The following DCAF5 variants were observed in gnomAD, a reference collection of about 807,000 sequenced individuals.
The protein encoded by DCAF5 is DDB1- and CUL4-associated factor 5.
DCAF5 carries 9 observed loss-of-function variants against 80.7 expected under a neutral mutation model. That is an observed-to-expected ratio of 0.11 (90% CI 0.07 to 0.19). The LOEUF (loss-of-function observed/expected upper bound fraction) is 0.19, where lower values mean the gene tolerates loss of function less well. Ranked by LOEUF, DCAF5 falls within the 10% of genes least tolerant of loss-of-function variation. DCAF5 has a pLI of 1.00. For synonymous variants in DCAF5, 433 were observed against 461.9 expected (o/e 0.94, Z 0.80); for missense variants, 842 against 1,205.7 (o/e 0.70, Z 4.47).
Position 69,055,016 on chromosome 14 carries a change from T to A in DCAF5, c.1670A>T (p.Asp557Val). The change falls in exon 9 of 9, where the codon GAT becomes GTT. Residue 557 changes from aspartate to valine, a missense_variant. Physicochemically the swap from Asp to Val is radical, Grantham distance 152. This residue lies in a region of DCAF5 where 607 missense variants were observed against 656.6 expected (regional missense o/e 0.92). Transcript: ENST00000341516. This position sits in a 1 kb window ranked among gnomAD's most constrained non-coding sequence, Gnocchi z 5.6. ...AGAGCTGCTGGAACTGCTGGATTCA[T>A]CTTCGGGGCTGGGTGACCGTGGCCG... ...FPRPRSPSPEDESSSSSSSSS... is the reference protein window; with the variant it reads ...FPRPRSPSPEVESSSSSSSSS... 6.2e-7 allele frequency: 1 copy of A among 1,614,230 alleles called. No individual in the cohort carries two copies. The highest frequency in any genetic ancestry group is 8.5e-7 in the Non-Finnish European group (1 of 1,180,038).
intron 5 of DCAF5, among the ~76,000 whole-genome samples, chr14:69,100,933 T>A (rs2039931165): frequency 6.6e-6 from 1 of 152,208 alleles, no homozygotes; most frequent in Non-Finnish European, 1.5e-5. Flanking sequence ...CTGAAGGGAT[T>A]ATATCAACAT....
chr14:69,082,199 C>G (rs1293012735), intron 6 of DCAF5, among the ~76,000 whole-genome samples: 1 of 152,160 alleles, frequency 6.6e-6, no homozygotes, highest in Non-Finnish European at 1.5e-5. Flanking sequence ...GTGCTTGCCA[C>G]AAATACCAAC....
chr14:69,142,989 G>A (rs1031696132), intron 1 of DCAF5, among the ~76,000 whole-genome samples: 2 of 152,216 alleles, frequency 1.3e-5, no homozygotes, highest in South Asian at 2.1e-4. Flanking sequence ...ACATGGTTAC[G>A]TATGGAATAC....
At chr14:69,069,558 T>A (rs923916062) in intron 7 of DCAF5, among the ~76,000 whole-genome samples, 1 of 152,212 alleles carries the variant, frequency 6.6e-6, no homozygotes, top group African/African-American at 2.4e-5. Flanking sequence ...CTCAGCCTCC[T>A]GAGCAACTGG....
chr14:69,053,761 T>C lies in DCAF5; in HGVS notation c.*96A>G. ...ATTTCAGGCCCTGGTTTCATGTGCC[T>C]TTAATACTTGTTTTTCCTTTCCTCT... On this transcript the variant is annotated 3_prime_UTR_variant, in exon 9 of 9. Transcript: ENST00000341516. 1 of 1,265,514 alleles carries C rather than the reference T, an allele frequency of 7.9e-7. No individual in the cohort carries two copies. The highest frequency in any genetic ancestry group is 1.1e-6 in the Non-Finnish European group (1 of 941,004). 78.4% of individuals were successfully genotyped at this position (1,265,514 alleles called of 1,614,324 possible).
intron 6 of DCAF5, chr14:69,084,851 A>G: frequency 8.9e-7 from 1 of 1,123,914 alleles, no homozygotes; most frequent in African/African-American, 1.5e-5. Context: ...ACTGGACATT[A>G]CTGAAGTCAA....
At chr14:69,132,638 A>G (rs1311457995) in intron 1 of DCAF5, among the ~76,000 whole-genome samples, 1 of 152,250 alleles carries the variant, frequency 6.6e-6, no homozygotes, top group Non-Finnish European at 1.5e-5. Context: ...CTACAAAAAC[A>G]TTAAGAGCAC....
At chr14:69,095,598 G>A (rs2039680923) in intron 5 of DCAF5, among the ~76,000 whole-genome samples, 1 of 152,036 alleles carries the variant, frequency 6.6e-6, no homozygotes, top group South Asian at 2.1e-4. Context: ...TTATTGCTCT[G>A]GTGGGGTAAA....
At chr14:69,120,259 A>C (rs1479888425) in intron 2 of DCAF5, among the ~76,000 whole-genome samples, 1 of 151,980 alleles carries the variant, frequency 6.6e-6, no homozygotes, top group Admixed American at 6.6e-5. Flanking sequence ...AATTAAAAAA[A>C]AAATTTTTTT....
chr14:69,117,963 A>G (rs2040592096), intron 4 of DCAF5, among the ~76,000 whole-genome samples, 176 bp downstream of exon 4: 1 of 152,170 alleles, frequency 6.6e-6, no homozygotes, highest in Admixed American at 6.6e-5. Flanking sequence ...ACTCCTGAGT[A>G]TTTAGGTGGA....
At chr14:69,058,928 G>A (rs1268567485) in intron 8 of DCAF5, among the ~76,000 whole-genome samples, 1 of 150,580 alleles carries the variant, frequency 6.6e-6, no homozygotes, top group Non-Finnish European at 1.5e-5. Context: ...AAGAAGTGAA[G>A]AGACAAGACG....
chr14:69,137,247 G>A (rs1216478690), intron 1 of DCAF5, among the ~76,000 whole-genome samples: 2 of 152,052 alleles, frequency 1.3e-5, no homozygotes, highest in East Asian at 1.9e-4. Context: ...CACTAAAAAC[G>A]GGTTCTTAGG....
At chr14:69,139,863 A>T (rs1249523258) in intron 1 of DCAF5, among the ~76,000 whole-genome samples, 1 of 146,494 alleles carries the variant, frequency 6.8e-6, no homozygotes, top group African/African-American at 2.5e-5. Context: ...GAAGGAAGGA[A>T]GGGAAGGAGG....
In DCAF5 at chr14:69,051,878, TAAAAAATTCCAATTTAATACATTTTGGA is replaced by T. The variant is rs780420965; in HGVS notation, c.*1951_*1978del. Reference sequence around the variant, plus strand: ...CGTATTTTTTTTGTATATAAAGGATTAAAAAATTCCAATTTAATACATTTTGGAAAAGCAAATGTAAAATGACTTGGGC... The same window carrying T: ...CGTATTTTTTTTGTATATAAAGGATTAAAGCAAATGTAAAATGACTTGGGC... On this transcript the variant is annotated 3_prime_UTR_variant, in exon 9 of 9. Transcript: ENST00000341516. 3 of 152,550 alleles carry T rather than the reference TAAAAAATTCCAATTTAATACATTTTGGA, an allele frequency of 2.0e-5. No individual in the cohort carries two copies. The highest frequency in any genetic ancestry group is 4.1e-4 in the South Asian group (2 of 4,830). The allele number at this position is 152,550 out of a possible 1,614,324, so 9.4% of individuals were successfully genotyped here.
Position 69,152,898 on chromosome 14 carries a change from G to A in DCAF5, c.81C>T (p.Pro27=). The stretch of plus-strand genomic sequence containing the variant: ...TCCTCTGAAAGTCCTGAGTGAGCAG[G>A]GGGTCCCCATGCAAGCCCCGCTGGG... ...FLSQRGLHGD[P]LLTQDFQRRR... is the part of the protein sequence containing the mutation. The change falls in exon 1 of 9, where the codon CCC becomes CCT. Residue 27 remains proline, a synonymous_variant. Transcript: ENST00000341516. The surrounding 1 kb of genome is among the most constrained non-coding windows in gnomAD (Gnocchi z 4.1). 1 of 1,613,940 alleles carries A rather than the reference G, an allele frequency of 6.2e-7. No individual in the cohort carries two copies. Among genetic ancestry groups the A allele is most frequent in the Non-Finnish European group, 8.5e-7 (1 of 1,179,980 alleles).
chr14:69,091,544 C>T, intron 6 of DCAF5, 130 bp downstream of exon 6: 1 of 814,534 alleles, frequency 1.2e-6, no homozygotes, highest in Admixed American at 2.7e-5. Context: ...CAGAACATCT[C>T]CAGGCACTCA....
At chr14:69,114,232 A>G (rs1401101491) in intron 5 of DCAF5, among the ~76,000 whole-genome samples, 1 of 152,196 alleles carries the variant, frequency 6.6e-6, no homozygotes, top group Admixed American at 6.5e-5. Context: ...AAGTCCGTAC[A>G]GATATTTTTG....
In DCAF5 at chr14:69,055,699, T is replaced by C; in HGVS notation, c.1075-88A>G. The C allele has an allele frequency of 7.7e-7, 1 of 1,303,310 alleles. No individual in the cohort carries two copies. Among genetic ancestry groups the C allele is most frequent in the Non-Finnish European group, 1.1e-6 (1 of 940,564 alleles). The allele number at this position is 1,303,310 out of a possible 1,614,324, so 80.7% of individuals were successfully genotyped here. A position where few individuals can be genotyped will look rare whatever the true frequency, so the allele number is the denominator to read the frequency against. On this transcript the variant is annotated intron_variant, in intron 8 of 8. Coordinates refer to ENST00000341516, the MANE Select transcript of DCAF5 (RefSeq NM_003861.3). This position sits in a 1 kb window ranked among gnomAD's most constrained non-coding sequence, Gnocchi z 5.6. ...GTGATAAAGAACACCAAGGCAGAAC[T>C]TCCCCAGACTCTCCCTGTAATTTAA... is the stretch of plus-strand genomic sequence containing the variant.
intron 5 of DCAF5, among the ~76,000 whole-genome samples, chr14:69,098,033 C>T (rs967659922): frequency 6.6e-6 from 1 of 152,140 alleles, no homozygotes; most frequent in Non-Finnish European, 1.5e-5. Flanking sequence ...AACCCTCCAG[C>T]GGCTCCCCAT....
Sources: gnomAD v4.1 joint callset for allele counts (sites outside exome capture counted in the v4.1 genomes callset) on GRCh38, gnomAD v4.1.1 for gene constraint, gnomAD v4.1.1 regional missense constraint, Gnocchi (gnomAD v3.1) non-coding constraint, MANE v1.5 for transcripts, NCBI Gene and HGNC (gene_info 2026-07-23, HGNC 2026-07-21) for gene names.